PLCB1: variants seen among roughly 807,000 people sequenced by gnomAD.
PLCB1 encodes 1-phosphatidylinositol 4,5-bisphosphate phosphodiesterase beta-1.
In PLCB1, 46 loss-of-function variants were observed where a neutral mutation model predicts 161.8. That is an observed-to-expected ratio of 0.28 (90% CI 0.22 to 0.36). The LOEUF is 0.36. PLCB1 is among the 10% of genes least tolerant of loss of function. The probability of loss-of-function intolerance (pLI) is 1.00; values close to 1 mark genes in which losing one functional copy is unlikely to be tolerated. For missense variants in PLCB1, 1,016 were observed against 1,472.5 expected (o/e 0.69, Z 5.07); for synonymous variants, 517 against 503.7 (o/e 1.03, Z -0.35).
intron 2 of PLCB1, among the ~76,000 whole-genome samples, chr20:8,349,843 G>C (rs1371831584): frequency 2.0e-5 from 3 of 152,042 alleles, no homozygotes; most frequent in Admixed American, 1.3e-4. Context: ...AAAAAGTACT[G>C]AATGTGGTCC....
rs549764538 is a variant in PLCB1, at chr20:8,376,498, T to A, written c.246+5048T>A. Among the ~76,000 whole-genome samples, 10 of 152,302 alleles carry A rather than the reference T, an allele frequency of 6.6e-5. No homozygotes were observed. In the South Asian group the frequency reaches 1.0e-3, roughly 16 times the overall value. ...ATTGATATTCAATGACAGAAGTCATTGAGTGACTCTTTCTGCCAGGTACTG... is the reference window on the plus strand; with the variant it reads ...ATTGATATTCAATGACAGAAGTCATAGAGTGACTCTTTCTGCCAGGTACTG... On this transcript the variant is annotated intron_variant, in intron 3 of 31. Transcript: ENST00000338037.
At chr20:8,624,487 G>A (rs1434828467) in intron 3 of PLCB1, among the ~76,000 whole-genome samples, 2 of 152,052 alleles carry the variant, frequency 1.3e-5, no homozygotes, top group African/African-American at 4.8e-5. Flanking sequence ...TTTAAAAAGT[G>A]GTATTAAAAA....
intron 2 of PLCB1, among the ~76,000 whole-genome samples, chr20:8,336,385 A>G (rs1376241548): frequency 6.6e-6 from 1 of 152,226 alleles, no homozygotes; most frequent in African/African-American, 2.4e-5. Flanking sequence ...TGGATTTCAT[A>G]TAATAAAGAC....
rs142762873 is a variant in PLCB1, at chr20:8,146,173, C to A, written c.100-4121C>A. Among the ~76,000 whole-genome samples, 335 of 151,096 alleles carry A rather than the reference C, an allele frequency of 2.2e-3. 2 individuals carry two copies. Among genetic ancestry groups the A allele is most frequent in the African/African-American group, 7.8e-3 (320 of 41,122 alleles). Reference sequence around the variant, plus strand: ...TATAAACAGATATTCAGCCTATCTGCAATATTGAAGTGTCATGGGGGATGA... The same window carrying A: ...TATAAACAGATATTCAGCCTATCTGAAATATTGAAGTGTCATGGGGGATGA... On this transcript the variant is annotated intron_variant, in intron 1 of 31. Transcript: ENST00000338037.
chr20:8,245,750 T>G lies in PLCB1; in HGVS notation c.177+95379T>G, dbSNP rs546894968. Among the ~76,000 whole-genome samples, 4 of 152,078 alleles carry G rather than the reference T, an allele frequency of 2.6e-5. No individual in the cohort carries two copies. In the South Asian group the frequency reaches 8.3e-4, roughly 31 times the overall value. ...GCGTTTGGTATGATGGAAAGAGCAT[T>G]GCCATTGTTAACAATCAAATTTGTT... On this transcript the variant is annotated intron_variant, in intron 2 of 31. Coordinates refer to ENST00000338037, the MANE Select transcript of PLCB1 (RefSeq NM_015192.4).
chr20:8,477,547 T>G (rs1982333490), intron 3 of PLCB1, among the ~76,000 whole-genome samples: 1 of 152,130 alleles, frequency 6.6e-6, no homozygotes, highest in Admixed American at 6.5e-5. Context: ...ATTTAGAAAT[T>G]TAGTAATTTA....
chr20:8,622,770 T>TG, intron 3 of PLCB1, among the ~76,000 whole-genome samples: 1 of 152,340 alleles, frequency 6.6e-6, no homozygotes, highest in Non-Finnish European at 1.5e-5. Context: ...GATCTTTGAT[T>TG]GGGTCAGCTT....
intron 4 of PLCB1, among the ~76,000 whole-genome samples, chr20:8,644,928 C>T (rs1388404665): frequency 6.0e-4 from 91 of 152,214 alleles, no homozygotes; most frequent in East Asian, 9.7e-4. Context: ...AGATGGTTGC[C>T]CTGTCTGTGT....
chr20:8,856,418 C>G (rs1488146150), intron 31 of PLCB1, among the ~76,000 whole-genome samples: 4 of 152,034 alleles, frequency 2.6e-5, no homozygotes, highest in Non-Finnish European at 5.9e-5. Flanking sequence ...GAGTTCGAGA[C>G]CAGCCTGGCC....
chr20:8,447,988 G>GAC (rs1980913059), intron 3 of PLCB1, among the ~76,000 whole-genome samples: 1 of 152,208 alleles, frequency 6.6e-6, no homozygotes, highest in African/African-American at 2.4e-5. Context: ...AAGGTCCTGA[G>GAC]ACACATTGTC....
At chr20:8,671,090 C>T (rs1336727031) in intron 9 of PLCB1, among the ~76,000 whole-genome samples, 1 of 152,198 alleles carries the variant, frequency 6.6e-6, no homozygotes, top group Admixed American at 6.5e-5. Context: ...CAGATCCTGC[C>T]TAATTGGCAT....
intron 17 of PLCB1, among the ~76,000 whole-genome samples, chr20:8,728,623 A>G (rs1980067901): frequency 6.6e-6 from 1 of 152,094 alleles, no homozygotes. Flanking sequence ...CAAATGATTT[A>G]ACACATTCCA....
chr20:8,279,316 A>T (rs537838313), intron 2 of PLCB1, among the ~76,000 whole-genome samples: 37 of 152,338 alleles, frequency 2.4e-4, no homozygotes, highest in African/African-American at 8.7e-4. Flanking sequence ...TGAAAGTCTG[A>T]TATTTCCTAG....
intron 3 of PLCB1, among the ~76,000 whole-genome samples, chr20:8,605,058 T>A (rs1987713221): frequency 6.6e-6 from 1 of 152,062 alleles, no homozygotes; most frequent in Admixed American, 6.6e-5. Flanking sequence ...AACCCTGTAA[T>A]CCCACACACA....
chr20:8,806,017 T>C lies in PLCB1; in HGVS notation c.3423+15756T>C, dbSNP rs1984521809. 2.0e-5 allele frequency among the ~76,000 whole-genome samples: 3 copies of C among 152,182 alleles called. 1 individual carries two copies. The South Asian group carries it at 6.2e-4, about 32-fold the overall frequency. Reference sequence around the variant, plus strand: ...GCATAGCCCAGCCTCCACAAGATCGTGGCTAAATTGTGCCAGAGATTTCAC... The same window carrying C: ...GCATAGCCCAGCCTCCACAAGATCGCGGCTAAATTGTGCCAGAGATTTCAC... On this transcript the variant is annotated intron_variant, in intron 31 of 31. Coordinates refer to ENST00000338037, the MANE Select transcript of PLCB1 (RefSeq NM_015192.4).
At chr20:8,681,117 T>TATATAA (rs1555782809) in intron 9 of PLCB1, among the ~76,000 whole-genome samples, 6 of 103,314 alleles carry the variant, frequency 5.8e-5, no homozygotes, top group South Asian at 6.3e-4. Context: ...TATATATATA[T>TATATAA]ATAATATATA....
intron 3 of PLCB1, among the ~76,000 whole-genome samples, chr20:8,541,609 G>GAAAGAAAAGA (rs1192850084): frequency 1.7e-5 from 1 of 57,766 alleles, no homozygotes; most frequent in South Asian, 5.1e-4. Flanking sequence ...AGAAAGAAAG[G>GAAAGAAAAGA]AAGGAAGATA....
chr20:8,217,574 C>T (rs1979197490), intron 2 of PLCB1, among the ~76,000 whole-genome samples: 1 of 152,058 alleles, frequency 6.6e-6, no homozygotes. Context: ...CCTTGGACTT[C>T]TTACCAAAGT....
chr20:8,699,981 C>T (rs1173804824), intron 11 of PLCB1, among the ~76,000 whole-genome samples: 1 of 152,196 alleles, frequency 6.6e-6, no homozygotes, highest in South Asian at 2.1e-4. Context: ...ATGTTTAATT[C>T]ATTTCCATAG....
Sources: allele counts gnomAD v4.1 joint callset (sites outside exome capture counted in the v4.1 genomes callset), GRCh38; gene constraint gnomAD v4.1.1; transcripts MANE v1.5; gene names NCBI Gene and HGNC (gene_info 2026-07-23, HGNC 2026-07-21).